CDS2: variants seen among roughly 807,000 people sequenced by gnomAD.
CDS2 encodes CDP-diacylglycerol synthase 2.
In CDS2, 47 loss-of-function variants were observed where a neutral mutation model predicts 59.0. That is an observed-to-expected ratio of 0.80 (90% CI 0.63 to 1.02). The LOEUF (loss-of-function observed/expected upper bound fraction) is 1.02, where lower values mean the gene tolerates loss of function less well. Ranked by LOEUF, CDS2 falls within the 50% of genes least tolerant of loss-of-function variation. The probability of loss-of-function intolerance (pLI) is 0.00; values close to 1 mark genes in which losing one functional copy is unlikely to be tolerated. For missense variants in CDS2, 356 were observed against 558.9 expected, an observed-to-expected ratio of 0.64 and a Z score of 3.66; for synonymous variants, 207 against 206.4, an observed-to-expected ratio of 1.00 and a Z score of -0.02.
At chr20:5,186,584 G>A in intron 9 of CDS2, 103 bp from the exon 10 acceptor site, 2 of 1,098,592 alleles carry the variant, frequency 1.8e-6, no homozygotes, top group Admixed American at 1.9e-5. Flanking sequence ...GCAGTTAGCA[G>A]GGTACTAGGC....
intron 1 of CDS2, among the ~76,000 whole-genome samples, chr20:5,132,534 T>A (rs1403096320): frequency 6.6e-6 from 1 of 152,184 alleles, no homozygotes; most frequent in African/African-American, 2.4e-5. Flanking sequence ...ACTTTGAGAT[T>A]GAACTACTCA....
intron 1 of CDS2, among the ~76,000 whole-genome samples, chr20:5,146,114 C>T (rs139668821): frequency 5.5e-4 from 83 of 152,268 alleles, no homozygotes; most frequent in African/African-American, 1.7e-3. Flanking sequence ...TGAACCACTG[C>T]GCCCATCCAA....
Position 5,127,142 on chromosome 20 carries a change from A to G in CDS2, c.50A>G (p.Glu17Gly). The G allele has an allele frequency of 6.7e-7, 1 of 1,492,820 alleles. No homozygotes were observed. The highest frequency in any genetic ancestry group is 8.9e-7 in the Non-Finnish European group (1 of 1,119,866). 92.5% of individuals were successfully genotyped at this position (1,492,820 alleles called of 1,614,324 possible). ...GCCCATGAGCCGGTTGCGCCACCCGAGGACAAGGTAGCGGCAGCGTCGGGG... is the reference window on the plus strand; with the variant it reads ...GCCCATGAGCCGGTTGCGCCACCCGGGGACAAGGTAGCGGCAGCGTCGGGG... ...RVAHEPVAPP[E>G]DKESESEAKV... is the part of the protein sequence containing the mutation. Residue 17 changes from glutamate (E) to glycine (G), a missense_variant, in exon 1 of 13, where the codon GAG becomes GGG. By Grantham distance (98) the Glu-to-Gly change is moderately conservative (BLOSUM62 -2). Transcript: ENST00000460006.
intron 5 of CDS2, among the ~76,000 whole-genome samples, chr20:5,181,977 A>G (rs1053720428): frequency 3.3e-5 from 5 of 152,182 alleles, no homozygotes; most frequent in Non-Finnish European, 7.3e-5. Flanking sequence ...GCATGACTGT[A>G]CTCAGTTCTG....
At chr20:5,130,595 G>C (rs2090596980) in intron 1 of CDS2, among the ~76,000 whole-genome samples, 2 of 151,402 alleles carry the variant, frequency 1.3e-5, no homozygotes, top group African/African-American at 4.8e-5. Context: ...TGACCAACGG[G>C]GTTTTAGTAG....
At chr20:5,141,727 GA>G (rs531754307) in intron 1 of CDS2, among the ~76,000 whole-genome samples, 36 of 152,266 alleles carry the variant, frequency 2.4e-4, no homozygotes, top group Middle Eastern at 3.4e-3. Context: ...ATGTGGGACT[GA>G]GCTCTCAACC....
At chr20:5,163,503 C>T (rs954661679) in intron 1 of CDS2, among the ~76,000 whole-genome samples, 16 of 150,458 alleles carry the variant, frequency 1.1e-4, no homozygotes, top group African/African-American at 3.6e-4. Context: ...TCAGGTGATC[C>T]ACCCGCCTCG....
At chr20:5,162,911 G>C (rs540955270) in intron 1 of CDS2, among the ~76,000 whole-genome samples, 1 of 152,254 alleles carries the variant, frequency 6.6e-6, no homozygotes, top group South Asian at 2.1e-4. Flanking sequence ...TAAGATGAAG[G>C]CAGGGGAATC....
In CDS2 at chr20:5,190,151, G is replaced by T. The variant is rs1425937520; in HGVS notation, c.1255G>T (p.Asp419Tyr). 2 of 1,614,008 alleles carry T rather than the reference G, an allele frequency of 1.2e-6. No individual in the cohort carries two copies. The highest frequency in any genetic ancestry group is 1.7e-6 in the Non-Finnish European group (2 of 1,179,926). Residue 419 changes from aspartate (D) to tyrosine (Y), a missense_variant, in exon 13 of 13, where the codon GAT (aspartate) becomes TAT (tyrosine). This residue lies in a region of CDS2 where 41 missense variants were observed against 104.4 expected (regional missense o/e 0.39). Transcript: ENST00000460006. ...TCAGCAGTTCCTGACTTTACGGCCA[G>T]ATCAGCAGCTCCACATCTTCAACAC... ...LIQQFLTLRP[D>Y]QQLHIFNTLR... is the part of the protein sequence containing the mutation.
At chr20:5,150,315 A>G (rs2090778407) in intron 1 of CDS2, among the ~76,000 whole-genome samples, 1 of 152,176 alleles carries the variant, frequency 6.6e-6, no homozygotes, top group Non-Finnish European at 1.5e-5. Flanking sequence ...TTTTACCGGG[A>G]TGAGCAAACA....
intron 1 of CDS2, among the ~76,000 whole-genome samples, chr20:5,139,015 A>C (rs892882096): frequency 6.6e-6 from 1 of 152,214 alleles, no homozygotes; most frequent in Non-Finnish European, 1.5e-5. Context: ...CTGTGAAGCT[A>C]TCGCAACCAA....
intron 5 of CDS2, among the ~76,000 whole-genome samples, chr20:5,181,172 G>A (rs2091031176): frequency 6.6e-6 from 1 of 152,226 alleles, no homozygotes; most frequent in African/African-American, 2.4e-5. Flanking sequence ...ATTGCAATAT[G>A]TTCCCAGAAT....
At chr20:5,158,579 A>G (rs1209436584) in intron 1 of CDS2, among the ~76,000 whole-genome samples, 3 of 152,220 alleles carry the variant, frequency 2.0e-5, no homozygotes, top group Admixed American at 6.5e-5. Context: ...AGGTTGTCAA[A>G]TGACATATTT....
In CDS2 at chr20:5,192,994, C is replaced by T. The variant is rs2091129274; in HGVS notation, c.*2760C>T. 1 of 152,218 alleles carries T rather than the reference C, an allele frequency of 6.6e-6. No homozygotes were observed. Among genetic ancestry groups the T allele is most frequent in the Non-Finnish European group, 1.5e-5 (1 of 68,068 alleles). The allele number at this position is 152,218 out of a possible 1,614,324, so 9.4% of individuals were successfully genotyped here. ...AGTACACCGAGGTGTTGCAGCTTTC[C>T]TTCCCTCTAGCTCAGGAGGCCTGGC... On this transcript the variant is annotated 3_prime_UTR_variant, in exon 13 of 13. Transcript: ENST00000460006.
chr20:5,178,816 G>A lies in CDS2; in HGVS notation c.390-1G>A. On this transcript the variant is annotated splice_acceptor_variant, in intron 4 of 12. Transcript: ENST00000460006. LOFTEE classifies it high-confidence loss of function. ...CGGCAATGACCTGTCTTCATTTACA[G>A]GTACTTTCTCCTGTGTGTAAACTAT... is the stretch of plus-strand genomic sequence containing the variant. 1 of 1,614,136 alleles carries A rather than the reference G, an allele frequency of 6.2e-7. No homozygotes were observed.
At chr20:5,185,711 A>G (rs965683763) in intron 8 of CDS2, 47 bp from the exon 9 acceptor site, 12 of 1,514,782 alleles carry the variant, frequency 7.9e-6, no homozygotes, top group East Asian at 6.8e-5. Flanking sequence ...TCGCAAAGCT[A>G]TAGTTATCAA....
intron 1 of CDS2, among the ~76,000 whole-genome samples, chr20:5,133,359 C>T (rs752781543): frequency 3.9e-5 from 6 of 151,910 alleles, no homozygotes; most frequent in Non-Finnish European, 7.4e-5. Flanking sequence ...TCAAGCCATC[C>T]TCCTACCTCA....
chr20:5,179,121 CTTT>C (rs34544851), intron 5 of CDS2, among the ~76,000 whole-genome samples, 165 bp downstream of exon 5: 58 of 130,242 alleles, frequency 4.5e-4, no homozygotes, highest in African/African-American at 1.4e-3. Flanking sequence ...CAGCTGTTAC[CTTT>C]TTTTTTTTTT....
rs537786875 is a variant in CDS2, at chr20:5,190,386, A to G, written c.*152A>G. ...GGGTATTTTTTATTTGTGGGTTCAA[A>G]AAATCTGTATATACAGTCTATGTGT... is the stretch of plus-strand genomic sequence containing the variant. On this transcript the variant is annotated 3_prime_UTR_variant, in exon 13 of 13. Coordinates refer to ENST00000460006, the MANE Select transcript of CDS2 (RefSeq NM_003818.4). 1.4e-6 allele frequency: 1 copy of G among 699,160 alleles called. No homozygotes were observed. The highest frequency in any genetic ancestry group is 1.8e-5 in the African/African-American group (1 of 55,490). 43.3% of individuals were successfully genotyped at this position (699,160 alleles called of 1,614,324 possible). A position where few individuals can be genotyped will look rare whatever the true frequency, so the allele number is the denominator to read the frequency against.
Sources: gnomAD v4.1 joint callset for allele counts (sites outside exome capture counted in the v4.1 genomes callset) on GRCh38, gnomAD v4.1.1 for gene constraint, gnomAD v4.1.1 regional missense constraint, MANE v1.5 for transcripts, NCBI Gene and HGNC (gene_info 2026-07-23, HGNC 2026-07-21) for gene names.